ASIC2: variants seen among roughly 807,000 people sequenced by gnomAD.
The protein encoded by ASIC2 is acid-sensing ion channel 2.
ASIC2 carries 25 observed loss-of-function variants against 57.3 expected under a neutral mutation model. The observed-to-expected ratio is 0.44, with a 90% CI of 0.32 to 0.61. ASIC2 has a LOEUF of 0.61. Among genes scored for constraint, ASIC2 ranks in the 20% least tolerant of loss-of-function variants. The pLI, the probability that ASIC2 is intolerant of heterozygous loss-of-function variation, is 0.06. For missense variants in ASIC2, 641 were observed against 738.1 expected, an observed-to-expected ratio of 0.87 and a Z score of 1.52; for synonymous variants, 319 against 307.5, an observed-to-expected ratio of 1.04 and a Z score of -0.39.
chr17:33,940,017 G>A (rs1171838985), intron 1 of ASIC2, among the ~76,000 whole-genome samples: 1 of 152,100 alleles, frequency 6.6e-6, no homozygotes, highest in Non-Finnish European at 1.5e-5. Flanking sequence ...AAGAAAAGGA[G>A]GAGAAAAGGG....
At position 33,208,400 on chromosome 17, in the gene ASIC2, G is replaced by A. The variant is rs533499538; in HGVS notation, c.708+83008C>T. Among the ~76,000 whole-genome samples the A allele has an allele frequency of 2.0e-5, 3 of 152,238 alleles. No homozygotes were observed. In the East Asian group the frequency reaches 5.8e-4, roughly 29 times the overall value. ...TTGCCACCCTCCCCAACCCATCCCA[G>A]ACTCGGTGCCGCAGTCCTACATCTT... On this transcript the variant is annotated intron_variant, in intron 1 of 9. Transcript: ENST00000225823.
At chr17:33,023,166 G>C (rs187154354) in intron 6 of ASIC2, among the ~76,000 whole-genome samples, 2 of 152,100 alleles carry the variant, frequency 1.3e-5, no homozygotes, top group Non-Finnish European at 2.9e-5. Flanking sequence ...AACGTGCAAG[G>C]TCTGCCTGGA....
At chr17:34,011,630 C>T (rs959321191) in intron 1 of ASIC2, among the ~76,000 whole-genome samples, 1 of 152,170 alleles carries the variant, frequency 6.6e-6, no homozygotes, top group Non-Finnish European at 1.5e-5. Context: ...TGGCCTCCGC[C>T]TCCACTCCTC....
At position 34,031,379 on chromosome 17, in the gene ASIC2, G is replaced by A. The variant is rs150296580; in HGVS notation, c.555+124599C>T. ...CCATCTGTACCTCACCATCATCAAA[G>A]ACCAAAGGTAGATAAAACCACAAAG... On this transcript the variant is annotated intron_variant, in intron 1 of 9. Coordinates refer to the ASIC2 transcript ENST00000359872. Among the ~76,000 whole-genome samples, 1,377 of 152,182 alleles carry A rather than the reference G, an allele frequency of 9.0e-3. 30 individuals carry two copies. The highest frequency in any genetic ancestry group is 0.032 in the African/African-American group (1,309 of 41,488).
At chr17:33,099,830 A>T (rs530091632) in intron 2 of ASIC2, 2 of 152,388 alleles carry the variant, frequency 1.3e-5, no homozygotes, top group African/African-American at 4.8e-5. Context: ...AGGTACAACC[A>T]GACTGCTGAG....
chr17:33,382,133 G>A (rs1909511598), intron 1 of ASIC2, among the ~76,000 whole-genome samples: 1 of 152,096 alleles, frequency 6.6e-6, no homozygotes, highest in Admixed American at 6.6e-5. Flanking sequence ...CTCTGCACTT[G>A]ACTTCCTTCC....
intron 1 of ASIC2, among the ~76,000 whole-genome samples, chr17:33,836,328 G>A (rs1329783838): frequency 4.6e-5 from 7 of 151,408 alleles, no homozygotes; most frequent in Non-Finnish European, 8.8e-5. Context: ...GGCCAGGCTG[G>A]TCTTGAACTC....
intron 1 of ASIC2, among the ~76,000 whole-genome samples, chr17:33,822,319 T>C (rs564666931): frequency 1.2e-4 from 18 of 152,284 alleles, no homozygotes; most frequent in African/African-American, 4.3e-4. Flanking sequence ...GAATAAAGCA[T>C]GCACTTTTTC....
At chr17:34,131,111 A>C (rs1911942362) in intron 1 of ASIC2, among the ~76,000 whole-genome samples, 1 of 119,236 alleles carries the variant, frequency 8.4e-6, no homozygotes, top group East Asian at 1.9e-4. Flanking sequence ...GTGGGGAAAG[A>C]AAGCCTTCGG....
chr17:33,789,341 A>G (rs1911697697), intron 1 of ASIC2, among the ~76,000 whole-genome samples: 5 of 152,224 alleles, frequency 3.3e-5, no homozygotes, highest in Admixed American at 2.0e-4. Flanking sequence ...ACTGTGGTCC[A>G]GACATCCTGA....
chr17:33,716,458 C>G, intron 1 of ASIC2, among the ~76,000 whole-genome samples: 1 of 152,240 alleles, frequency 6.6e-6, no homozygotes, highest in African/African-American at 2.4e-5. Flanking sequence ...ATCCTGCACT[C>G]TGAGGCTAGG....
At chr17:33,231,636 C>T (rs1348585714) in intron 1 of ASIC2, among the ~76,000 whole-genome samples, 3 of 152,122 alleles carry the variant, frequency 2.0e-5, no homozygotes, top group Admixed American at 2.0e-4. Flanking sequence ...GAGTTGGAGA[C>T]CCATCAGATC....
intron 1 of ASIC2, among the ~76,000 whole-genome samples, chr17:33,866,395 T>A (rs1176078607): frequency 6.6e-6 from 1 of 152,180 alleles, no homozygotes. Flanking sequence ...ATCTTCATAG[T>A]TTTCTATTGA....
chr17:33,558,008 A>T (rs1429995055), intron 1 of ASIC2, among the ~76,000 whole-genome samples: 1 of 151,822 alleles, frequency 6.6e-6, no homozygotes, highest in Non-Finnish European at 1.5e-5. Flanking sequence ...GAAAATTTAC[A>T]TTTATAATAT....
At chr17:33,842,646 G>A (rs974425587) in intron 1 of ASIC2, among the ~76,000 whole-genome samples, 2 of 152,130 alleles carry the variant, frequency 1.3e-5, no homozygotes, top group Admixed American at 6.6e-5. Flanking sequence ...GAAGGAGGAG[G>A]TGATTGTCTT....
At chr17:33,418,671 A>G (rs894547584) in intron 1 of ASIC2, among the ~76,000 whole-genome samples, 1 of 152,120 alleles carries the variant, frequency 6.6e-6, no homozygotes, top group Admixed American at 6.5e-5. Context: ...CAAAGATCAG[A>G]TGGTTGTAGA....
At chr17:33,233,043 C>T (rs568612070) in intron 1 of ASIC2, among the ~76,000 whole-genome samples, 4 of 152,154 alleles carry the variant, frequency 2.6e-5, no homozygotes, top group South Asian at 2.1e-4. Flanking sequence ...CCTGAGAAGG[C>T]CTGTCCTGGC....
chr17:34,037,867 T>C (rs1444283394), intron 1 of ASIC2: 8 of 1,613,792 alleles, frequency 5.0e-6, no homozygotes, highest in African/African-American at 1.3e-5. Context: ...TATTCTCTTG[T>C]AGGATGTCTT....
At position 33,813,322 on chromosome 17, in the gene ASIC2, C is replaced by T. The variant is rs189201524; in HGVS notation, c.555+342656G>A. Among the ~76,000 whole-genome samples, 717 of 152,244 alleles carry T rather than the reference C, an allele frequency of 4.7e-3. 4 individuals are homozygous for T. Among genetic ancestry groups the T allele is most frequent in the Non-Finnish European group, 7.4e-3 (506 of 68,024 alleles). On this transcript the variant is annotated intron_variant, in intron 1 of 9. Coordinates refer to the ASIC2 transcript ENST00000359872. ...TCAGTCTTAGAAAAGGACAGGGTGA[C>T]ATCAGATGGTCCTCAACCGCACTCA...
Sources: gnomAD v4.1 joint callset for allele counts (sites outside exome capture counted in the v4.1 genomes callset) on GRCh38, gnomAD v4.1.1 for gene constraint, MANE v1.5 for transcripts, NCBI Gene and HGNC (gene_info 2026-07-23, HGNC 2026-07-21) for gene names.